The following CHN1 variants were observed in gnomAD, a reference collection of about 807,000 sequenced individuals.
The protein encoded by CHN1 is chimerin 1.
A neutral mutation model predicts 59.5 loss-of-function variants in CHN1; 37 were observed. The ratio of observed to expected loss-of-function variants is 0.62; its 90% CI spans 0.48 to 0.82. The LOEUF (loss-of-function observed/expected upper bound fraction) is 0.82, where lower values mean the gene tolerates loss of function less well. Among genes scored for constraint, CHN1 ranks in the 40% least tolerant of loss-of-function variants. CHN1 has a pLI of 0.00. For missense variants in CHN1, 469 were observed against 571.0 expected (o/e 0.82, Z 1.82); for synonymous variants, 206 against 200.4 (o/e 1.03, Z -0.24).
intron 5 of CHN1, among the ~76,000 whole-genome samples, chr2:174,909,813 G>A (rs1688640389): frequency 6.6e-6 from 1 of 152,192 alleles, no homozygotes; most frequent in Non-Finnish European, 1.5e-5. Context: ...GTGGCTGAAA[G>A]CATCTCAATG....
intron 5 of CHN1, among the ~76,000 whole-genome samples, chr2:174,902,454 A>T (rs1438496854): frequency 6.6e-6 from 1 of 152,136 alleles, no homozygotes; most frequent in African/African-American, 2.4e-5. Context: ...CCCCTTCATC[A>T]ATATTAATTT....
chr2:174,863,966 CA>C (rs1226191405), intron 6 of CHN1, among the ~76,000 whole-genome samples: 1 of 152,148 alleles, frequency 6.6e-6, no homozygotes, highest in Non-Finnish European at 1.5e-5. Context: ...TTTTATTTCT[CA>C]TAAGTACTAG....
rs569363517 is a variant in CHN1, at chr2:174,853,335, T to C, written c.550-6378A>G. Among the ~76,000 whole-genome samples the C allele has an allele frequency of 4.5e-3, 678 of 152,064 alleles. 6 individuals are homozygous for C. Among genetic ancestry groups the C allele is most frequent in the African/African-American group, 0.015 (638 of 41,490 alleles). On this transcript the variant is annotated intron_variant, in intron 6 of 12. Transcript: ENST00000409900. ...AAGACATATAAATGGCTGACAAACATATGAAAAAATGCTTATCATCACTAA... is the reference window on the plus strand; with the variant it reads ...AAGACATATAAATGGCTGACAAACACATGAAAAAATGCTTATCATCACTAA...
intron 7 of CHN1, among the ~76,000 whole-genome samples, chr2:174,839,774 T>C (rs1376986903): frequency 6.6e-6 from 1 of 152,088 alleles, no homozygotes. Flanking sequence ...CAGCTAAGTT[T>C]TGTATTTTTG....
At chr2:174,929,677 T>C (rs1219508368) in intron 3 of CHN1, among the ~76,000 whole-genome samples, 1 of 152,228 alleles carries the variant, frequency 6.6e-6, no homozygotes, top group Non-Finnish European at 1.5e-5. Context: ...TCAGACTGCA[T>C]TGGAAAAGGA....
chr2:174,918,443 C>T lies in CHN1; in HGVS notation c.146+91G>A. 4.2e-6 allele frequency: 4 copies of T among 953,178 alleles called. No individual in the cohort carries two copies. In the South Asian group the frequency reaches 1.0e-4, roughly 25 times the overall value. 59.0% of individuals were successfully genotyped at this position (953,178 alleles called of 1,614,324 possible). A position where few individuals can be genotyped will look rare whatever the true frequency, so the allele number is the denominator to read the frequency against. On this transcript the variant is annotated intron_variant, in intron 4 of 12. Coordinates refer to ENST00000409900, the MANE Select transcript of CHN1 (RefSeq NM_001822.7). ...AATGCAACTCCACCAAACTTGAATACTTCATCTTGCTTTCATTTAAAAGCA... is the reference window on the plus strand; with the variant it reads ...AATGCAACTCCACCAAACTTGAATATTTCATCTTGCTTTCATTTAAAAGCA...
chr2:174,847,056 G>A, intron 6 of CHN1, 99 bp from the exon 7 acceptor site: 1 of 1,551,642 alleles, frequency 6.4e-7, no homozygotes, highest in Non-Finnish European at 8.7e-7. Flanking sequence ...AAATCTTGCT[G>A]ACGGCCCTCT....
chr2:174,980,097 A>G (rs1433272109), intron 1 of CHN1, among the ~76,000 whole-genome samples: 2 of 152,160 alleles, frequency 1.3e-5, no homozygotes, highest in Non-Finnish European at 2.9e-5. Context: ...TTTTTATGTT[A>G]TTAGGGTATT....
intron 3 of CHN1, among the ~76,000 whole-genome samples, chr2:174,935,856 C>A (rs1279290818): frequency 6.6e-6 from 1 of 152,146 alleles, no homozygotes; most frequent in African/African-American, 2.4e-5. Context: ...TCACTTGAGC[C>A]TGGCAATGCA....
intron 6 of CHN1, 73 bp downstream of exon 6, chr2:174,877,767 C>A: frequency 7.2e-7 from 1 of 1,392,736 alleles, no homozygotes; most frequent in South Asian, 1.4e-5. Context: ...AAATCAATCT[C>A]TTCTGGCAAT....
At chr2:174,851,959 T>C (rs769429626) in intron 6 of CHN1, among the ~76,000 whole-genome samples, 2 of 152,100 alleles carry the variant, frequency 1.3e-5, no homozygotes, top group African/African-American at 2.4e-5. Flanking sequence ...ACACCAATAA[T>C]GTCCATGCTG....
At chr2:174,914,549 C>T (rs2105369655) in intron 5 of CHN1, among the ~76,000 whole-genome samples, 1 of 152,142 alleles carries the variant, frequency 6.6e-6, no homozygotes, top group South Asian at 2.1e-4. Context: ...CCGCAAAATG[C>T]TTTAAAAGCT....
chr2:174,910,063 TGA>T (rs1249912945), intron 5 of CHN1, among the ~76,000 whole-genome samples: 1 of 152,242 alleles, frequency 6.6e-6, no homozygotes, highest in African/African-American at 2.4e-5. Flanking sequence ...AATTATTTTC[TGA>T]GAGTTTTCTT....
At chr2:174,956,035 A>C (rs1293226116) in intron 1 of CHN1, among the ~76,000 whole-genome samples, 1 of 152,216 alleles carries the variant, frequency 6.6e-6, no homozygotes, top group Non-Finnish European at 1.5e-5. Context: ...TCTAAAATAA[A>C]AGTTGAAAAT....
intron 7 of CHN1, among the ~76,000 whole-genome samples, chr2:174,841,962 A>G (rs1686319236): frequency 6.6e-6 from 1 of 152,226 alleles, no homozygotes; most frequent in Non-Finnish European, 1.5e-5. Flanking sequence ...ATCAGATAAC[A>G]TGATGGTATC....
chr2:174,869,287 T>A (rs1433246749), intron 6 of CHN1, among the ~76,000 whole-genome samples: 2 of 152,242 alleles, frequency 1.3e-5, no homozygotes, highest in Admixed American at 1.3e-4. Flanking sequence ...ATTCCTTTGC[T>A]GCTCATATTT....
intron 8 of CHN1, among the ~76,000 whole-genome samples, chr2:174,821,137 ATTATC>A (rs1390519854): frequency 6.6e-6 from 1 of 152,172 alleles, no homozygotes; most frequent in Non-Finnish European, 1.5e-5. Context: ...TCAAGCATAT[ATTATC>A]TTAAATTCTG....
chr2:174,976,759 G>T (rs1690959129), intron 1 of CHN1, among the ~76,000 whole-genome samples: 1 of 152,028 alleles, frequency 6.6e-6, no homozygotes, highest in Non-Finnish European at 1.5e-5. Flanking sequence ...TTTATTTTTA[G>T]ATTTATAAAA....
At chr2:174,985,513 T>C (rs776413644) in intron 1 of CHN1, among the ~76,000 whole-genome samples, 1 of 152,188 alleles carries the variant, frequency 6.6e-6, no homozygotes, top group Admixed American at 6.5e-5. Context: ...GAGCAATTAC[T>C]AATACCCATT....
Sources: allele counts gnomAD v4.1 joint callset (sites outside exome capture counted in the v4.1 genomes callset), GRCh38; gene constraint gnomAD v4.1.1; transcripts MANE v1.5; gene names NCBI Gene and HGNC (gene_info 2026-07-23, HGNC 2026-07-21).